Variants in TTC23L observed in about 807,000 individuals in gnomAD.
The protein encoded by TTC23L is tetratricopeptide repeat domain 23 like.
In TTC23L, 42 loss-of-function variants were observed where a neutral mutation model predicts 48.1. That is an observed-to-expected ratio of 0.87 (90% CI 0.68 to 1.13). The LOEUF (loss-of-function observed/expected upper bound fraction) is 1.13. TTC23L is among the 50% of genes most tolerant of loss of function. The probability of loss-of-function intolerance (pLI) is 0.00; values close to 1 mark genes in which losing one functional copy is unlikely to be tolerated. For missense variants in TTC23L, 391 were observed against 421.0 expected (o/e 0.93, Z 0.62); for synonymous variants, 159 against 157.2 (o/e 1.01, Z -0.09).
At chr5:34,872,336 T>C (rs1380518197) in intron 8 of TTC23L, among the ~76,000 whole-genome samples, 1 of 152,158 alleles carries the variant, frequency 6.6e-6, no homozygotes, top group African/African-American at 2.4e-5. Flanking sequence ...TAAATCATAC[T>C]AGTAATTACA....
At chr5:34,882,618 T>TACAC (rs146120966) in intron 9 of TTC23L, among the ~76,000 whole-genome samples, 8,166 of 140,796 alleles carry the variant, frequency 0.058, 279 homozygotes, top group South Asian at 0.09. Flanking sequence ...TCCCATGGAC[T>TACAC]ACACACACAC....
the TTC23L span, chr5:34,915,019 C>T: frequency 9.8e-7 from 1 of 1,017,644 alleles, no homozygotes; most frequent in East Asian, 2.6e-5. Flanking sequence ...GCGAGCTCCA[C>T]CTGCGCTGAG....
At chr5:34,923,058 A>G in the TTC23L span, 4 of 1,559,168 alleles carry the variant, frequency 2.6e-6, no homozygotes, top group South Asian at 3.4e-5. Flanking sequence ...TCAGGTAAAT[A>G]TCTTTAAAAT....
chr5:34,914,158 C>T, the TTC23L span: 3 of 313,520 alleles, frequency 9.6e-6, no homozygotes, highest in Non-Finnish European at 2.0e-5. Context: ...TTTGGAAGAA[C>T]AAAAATTCTA....
chr5:34,846,600 TACACACAC>T (rs1156477205), intron 3 of TTC23L, among the ~76,000 whole-genome samples: 7 of 92,884 alleles, frequency 7.5e-5, no homozygotes, highest in African/African-American at 2.1e-4. Flanking sequence ...TATATATATA[TACACACAC>T]ATATATATAC....
At chr5:34,887,665 T>C (rs1762620176) in intron 9 of TTC23L, among the ~76,000 whole-genome samples, 1 of 152,104 alleles carries the variant, frequency 6.6e-6, no homozygotes, top group Non-Finnish European at 1.5e-5. Flanking sequence ...AGAATCAAGA[T>C]TGATAAACTT....
At chr5:34,864,534 G>C (rs1373137919) in exon 6 of TTC23L, 4 of 1,613,748 alleles carry the variant, frequency 2.5e-6, no homozygotes, top group South Asian at 2.2e-5. Flanking sequence ...ACAAGTCTCT[G>C]AGAACGACCT....
chr5:34,900,444 T>C (rs1763477826), downstream of TTC23L, among the ~76,000 whole-genome samples: 1 of 151,196 alleles, frequency 6.6e-6, no homozygotes, highest in Non-Finnish European at 1.5e-5. Context: ...GAGGCTGCAG[T>C]GAGCTGAGAT....
At chr5:34,911,561 A>C in the TTC23L span, 1 of 1,614,098 alleles carries the variant, frequency 6.2e-7, no homozygotes, top group African/African-American at 1.3e-5. Context: ...TACCTGAAAT[A>C]AGGCTTGTCA....
the TTC23L span, chr5:34,915,777 A>C: frequency 6.2e-6 from 10 of 1,600,398 alleles, no homozygotes; most frequent in Non-Finnish European, 8.5e-6. Flanking sequence ...GAGGCTTTGC[A>C]GTTCAGGCGA....
At chr5:34,905,675 TTAAATA>T in the TTC23L span, 1 of 152,174 alleles carries the variant, frequency 6.6e-6, no homozygotes, top group Non-Finnish European at 1.5e-5. Context: ...CTAAAAGTCT[TTAAATA>T]TAAGACTGTA....
chr5:34,880,188 T>C, exon 9 of TTC23L: 1 of 1,608,684 alleles, frequency 6.2e-7, no homozygotes, highest in Non-Finnish European at 8.5e-7. Context: ...CAGATGCTGT[T>C]GAGATATATT....
At chr5:34,879,107 A>G (rs866970249) in intron 8 of TTC23L, among the ~76,000 whole-genome samples, 2 of 152,256 alleles carry the variant, frequency 1.3e-5, no homozygotes, top group Non-Finnish European at 2.9e-5. Context: ...AAAGTCAAGT[A>G]TCAAGGTTTC....
intron 2 of TTC23L, among the ~76,000 whole-genome samples, chr5:34,842,073 C>T (rs1430672826): frequency 1.3e-5 from 2 of 152,154 alleles, no homozygotes; most frequent in Admixed American, 1.3e-4. Context: ...ATACCAGTGT[C>T]ATCAAATAGA....
rs1462957748 is a variant in TTC23L, at chr5:34,897,017, A to C, written c.*97+142A>C. On this transcript the variant is annotated intron_variant, in intron 10 of 10. Transcript: ENST00000505624. ...AAAGACAAAAATCATTTAAGGAAAA[A>C]AAAAAACAAAAAAAACAGGTTTAAA... is the stretch of plus-strand genomic sequence containing the variant. The C allele has an allele frequency of 1.6e-5, 9 of 548,962 alleles. No individual in the cohort carries two copies. In the South Asian group the frequency reaches 2.5e-4, roughly 15 times the overall value. 34.0% of individuals were successfully genotyped at this position (548,962 alleles called of 1,614,324 possible).
chr5:34,914,947 C>T, the TTC23L span: 1 of 1,592,344 alleles, frequency 6.3e-7, no homozygotes, highest in African/African-American at 1.3e-5. Context: ...AACTTCTCGG[C>T]GGATCGCCAA....
chr5:34,839,873 AG>A (rs1215444075), intron 1 of TTC23L, among the ~76,000 whole-genome samples: 1 of 152,242 alleles, frequency 6.6e-6, no homozygotes, highest in Non-Finnish European at 1.5e-5. Context: ...ATCATCTAAC[AG>A]CAACAACTAA....
rs3906383 is a variant in TTC23L at position 34,862,929 on chromosome 5, A to G, written c.411A>G (p.Thr137=). 6 of 1,613,846 alleles carry G rather than the reference A, an allele frequency of 3.7e-6. No homozygotes were observed. In the African/African-American group the frequency reaches 8.0e-5, roughly 22 times the overall value. Residue 137 remains threonine, a synonymous_variant, in exon 5 of 11, where the codon ACA becomes ACG. Coordinates refer to ENST00000505624, the Ensembl canonical transcript of TTC23L. ...CAGTTCAGGCCAAGAAACATGCTAC[A>G]TCAGCCAAGAATACACTGTTGACCT...
chr5:34,887,325 G>C (rs1030978634), intron 9 of TTC23L, among the ~76,000 whole-genome samples: 4 of 152,144 alleles, frequency 2.6e-5, no homozygotes, highest in African/African-American at 7.2e-5. Flanking sequence ...TGAAAGGAGA[G>C]AAAACTTTGA....
Sources: gnomAD v4.1 joint callset for allele counts (sites outside exome capture counted in the v4.1 genomes callset) on GRCh38, gnomAD v4.1.1 for gene constraint, MANE v1.5 for transcripts, NCBI Gene and HGNC (gene_info 2026-07-23, HGNC 2026-07-21) for gene names.